NDRG4: variants seen among roughly 807,000 people sequenced by gnomAD.
NDRG4 encodes protein NDRG4.
NDRG4 carries 38 observed loss-of-function variants against 55.8 expected under a neutral mutation model. That is an observed-to-expected ratio of 0.68 (90% CI 0.53 to 0.89). The LOEUF is 0.89. Among genes scored for constraint, NDRG4 ranks in the 40% least tolerant of loss-of-function variants. NDRG4 has a pLI of 0.00. For missense variants in NDRG4, 455 were observed against 468.6 expected (o/e 0.97, Z 0.27); for synonymous variants, 190 against 182.7 (o/e 1.04, Z -0.32).
In NDRG4 at chr16:58,464,072, G is replaced by A; in HGVS notation, c.-24+275G>A. 4.4e-6 allele frequency: 1 copy of A among 226,188 alleles called. No individual in the cohort carries two copies. The highest frequency in any genetic ancestry group is 8.6e-6 in the Non-Finnish European group (1 of 116,572). 14.0% of individuals were successfully genotyped at this position (226,188 alleles called of 1,614,324 possible). ...GCCGTCCGCGACCCCCCACCGCGAC[G>A]CCCGGAGGCGGCGGGGTCTCTTTGT... On this transcript the variant is annotated intron_variant, in intron 1 of 15. Coordinates refer to the NDRG4 transcript ENST00000258187. This position sits in a 1 kb window ranked among gnomAD's most constrained non-coding sequence, Gnocchi z 4.8.
At chr16:58,487,025 GTC>G (rs970421783) in intron 1 of NDRG4, among the ~76,000 whole-genome samples, 5 of 140,468 alleles carry the variant, frequency 3.6e-5, no homozygotes, top group Admixed American at 7.4e-5. Flanking sequence ...TTCCTCTCCA[GTC>G]TCTCTATCCT....
chr16:58,495,116 C>T, intron 3 of NDRG4: 2 of 1,086,762 alleles, frequency 1.8e-6, no homozygotes, highest in African/African-American at 1.5e-5. Context: ...GTGCCCCCTG[C>T]CTAACAGAGA....
upstream of NDRG4, among the ~76,000 whole-genome samples, chr16:58,498,051 A>C (rs1033685083): frequency 3.3e-5 from 5 of 152,054 alleles, no homozygotes; most frequent in Non-Finnish European, 7.4e-5. Context: ...CTGAGCAGTC[A>C]TGGAGGCTGT....
At chr16:58,497,830 C>T (rs997204533), upstream of NDRG4, among the ~76,000 whole-genome samples, 30 of 152,306 alleles carry the variant, frequency 2.0e-4, no homozygotes, top group African/African-American at 6.7e-4. Context: ...TCTCCCCTGC[C>T]AGGACCTGGG....
Position 58,500,158 on chromosome 16 carries a change from T to C in NDRG4, c.-91T>C. On this transcript the variant is annotated 5_prime_UTR_variant, in exon 1 of 15. Coordinates refer to ENST00000570248, the MANE Select transcript of NDRG4 (RefSeq NM_001242835.2). ...GTGCCCCATCACAGAGCCGACCATC[T>C]CCCACTCGAGCTGCCCCCGCCCTCT... 1 of 1,535,506 alleles carries C rather than the reference T, an allele frequency of 6.5e-7. No homozygotes were observed. The highest frequency in any genetic ancestry group is 1.2e-5 in the South Asian group (1 of 83,938).
chr16:58,499,873 C>T (rs866872250), upstream of NDRG4: 1 of 398,324 alleles, frequency 2.5e-6, no homozygotes. Context: ...GTGTGAGCTG[C>T]AGCTGTTGGC....
exon 2 of NDRG4, chr16:58,487,765 T>C: frequency 3.2e-6 from 5 of 1,542,390 alleles, no homozygotes; most frequent in Non-Finnish European, 4.4e-6. Flanking sequence ...GGCCTCCTGC[T>C]CCACGACGTG....
In NDRG4 at chr16:58,510,581, C is replaced by T. The variant is rs1195863517; in HGVS notation, c.866-64C>T. ...TCAATGCCCTTGACTCAGCGGACCA[C>T]GCTCTTCACTGTGTTGTGTCTCCCC... is the stretch of plus-strand genomic sequence containing the variant. On this transcript the variant is annotated intron_variant, in intron 13 of 14. Coordinates refer to ENST00000570248, the MANE Select transcript of NDRG4 (RefSeq NM_001242835.2). 11 of 1,391,178 alleles carry T rather than the reference C, an allele frequency of 7.9e-6. No homozygotes were observed. In the East Asian group the frequency reaches 9.9e-5, roughly 13 times the overall value. 86.2% of individuals were successfully genotyped at this position (1,391,178 alleles called of 1,614,324 possible). A position where few individuals can be genotyped will look rare whatever the true frequency, so the allele number is the denominator to read the frequency against.
downstream of NDRG4, among the ~76,000 whole-genome samples, chr16:58,514,493 C>G (rs2039056604): frequency 6.6e-6 from 1 of 151,990 alleles, no homozygotes; most frequent in South Asian, 2.1e-4. Flanking sequence ...TCCTAGCACT[C>G]TGGGAGGCCG....
chr16:58,496,515 C>T (rs527390311), upstream of NDRG4, among the ~76,000 whole-genome samples: 2 of 152,098 alleles, frequency 1.3e-5, no homozygotes, highest in South Asian at 2.1e-4. Flanking sequence ...CTATGGCAGG[C>T]GTTGTCACTG....
Position 58,512,591 on chromosome 16 carries a change from T to A in NDRG4, c.*1015T>A, listed in dbSNP as rs1479308838. On this transcript the variant is annotated 3_prime_UTR_variant, in exon 15 of 15. Transcript: ENST00000570248. The stretch of plus-strand genomic sequence containing the variant: ...GGAAGAGAGAGTTTATTTAGTCAAC[T>A]GGCCCAAGGCAGCGAGGCTTCTACA... 1 of 161,418 alleles carries A rather than the reference T, an allele frequency of 6.2e-6. No individual in the cohort carries two copies. The highest frequency in any genetic ancestry group is 1.4e-5 in the Non-Finnish European group (1 of 73,316). 10.0% of individuals were successfully genotyped at this position (161,418 alleles called of 1,614,324 possible). A position where few individuals can be genotyped will look rare whatever the true frequency, so the allele number is the denominator to read the frequency against.
chr16:58,501,642 C>G, intron 1 of NDRG4: 1 of 214,494 alleles, frequency 4.7e-6, no homozygotes. Context: ...AGGTTCGCAG[C>G]AGGGTTCAGC....
Position 58,506,386 on chromosome 16 carries a change from G to A in NDRG4, c.373-1G>A. On this transcript the variant is annotated splice_acceptor_variant, in intron 5 of 14. Transcript: ENST00000570248. LOFTEE classifies it high-confidence loss of function. ...CGGCCCTGTTTCCCCTCTTACTGCA[G>A]CTCATCTTCCCCGACCTGGTGGAGG... is the stretch of plus-strand genomic sequence containing the variant. The A allele has an allele frequency of 6.2e-7, 1 of 1,613,890 alleles. No homozygotes were observed. Among genetic ancestry groups the A allele is most frequent in the Non-Finnish European group, 8.5e-7 (1 of 1,179,982 alleles).
intron 1 of NDRG4, among the ~76,000 whole-genome samples, chr16:58,477,136 A>G (rs2033769440): frequency 6.6e-6 from 1 of 151,266 alleles, no homozygotes. Context: ...TATGTGATAT[A>G]TATATGTGTG....
At chr16:58,482,739 T>TC (rs2034605097) in intron 1 of NDRG4, among the ~76,000 whole-genome samples, 3 of 79,016 alleles carry the variant, frequency 3.8e-5, no homozygotes, top group Non-Finnish European at 8.3e-5. Context: ...CTCCCTTCCT[T>TC]CCTCCCTCCC....
intron 1 of NDRG4, among the ~76,000 whole-genome samples, chr16:58,480,055 G>A (rs7195635): frequency 0.09 from 13,667 of 152,176 alleles, 1,450 homozygotes; most frequent in African/African-American, 0.26. Context: ...GAGGAAGGAG[G>A]GAGCCCAGAC....
In NDRG4 at chr16:58,469,725, C is replaced by A. The variant is rs567120898; in HGVS notation, c.-24+5928C>A. Among the ~76,000 whole-genome samples the A allele has an allele frequency of 7.9e-5, 12 of 152,338 alleles. 1 individual carries two copies. Among genetic ancestry groups the A allele is most frequent in the African/African-American group, 2.9e-4 (12 of 41,574 alleles). The stretch of plus-strand genomic sequence containing the variant: ...AGATATCCCCTTAAATAGTGTAATA[C>A]TAATGGTGATGACAGCTCACACGTA... On this transcript the variant is annotated intron_variant, in intron 1 of 15. Coordinates refer to the NDRG4 transcript ENST00000258187.
chr16:58,509,103 T>C, intron 11 of NDRG4, 51 bp from the exon 12 acceptor site: 1 of 1,613,932 alleles, frequency 6.2e-7, no homozygotes, highest in South Asian at 1.1e-5. Flanking sequence ...GGGTGGGAGC[T>C]TGTCCTGGAG....
Position 58,503,876 on chromosome 16 carries a change from C to G in NDRG4, c.100C>G (p.Leu34Val), listed in dbSNP as rs767840538. The change falls in exon 2 of 15, where the codon CTC becomes GTC. Residue 34 changes from leucine (L) to valine (V), a missense_variant. Physicochemically the swap from Leu to Val is conservative, Grantham distance 32. Coordinates refer to ENST00000570248, the MANE Select transcript of NDRG4 (RefSeq NM_001242835.2). ...GSPKGNRPAI[L>V]TYHDVGLNHK... Reference sequence around the variant, plus strand: ...CCCCAAGGGGAACCGCCCAGCCATCCTCACCTACCATGATGTGGGCCTCAA... The same window carrying G: ...CCCCAAGGGGAACCGCCCAGCCATCGTCACCTACCATGATGTGGGCCTCAA... 3.7e-6 allele frequency: 6 copies of G among 1,613,956 alleles called. No homozygotes were observed. In the East Asian group the frequency reaches 1.3e-4, roughly 36 times the overall value.
Sources: gnomAD v4.1 joint callset for allele counts (sites outside exome capture counted in the v4.1 genomes callset) on GRCh38, gnomAD v4.1.1 for gene constraint, Gnocchi (gnomAD v3.1) non-coding constraint, MANE v1.5 for transcripts, NCBI Gene and HGNC (gene_info 2026-07-23, HGNC 2026-07-21) for gene names.